The following LGR4 variants were observed in gnomAD, a reference collection of about 807,000 sequenced individuals.
LGR4 encodes leucine-rich repeat-containing G protein-coupled receptor 4.
LGR4 carries 44 observed loss-of-function variants against 84.8 expected under a neutral mutation model. That is an observed-to-expected ratio of 0.52 (90% CI 0.41 to 0.67). The LOEUF is 0.67. LGR4 is among the 30% of genes least tolerant of loss of function. The pLI is 0.00. For missense variants in LGR4, 1,032 were observed against 1,131.4 expected (o/e 0.91, Z 1.26); for synonymous variants, 429 against 434.3 (o/e 0.99, Z 0.15).
intron 1 of LGR4, among the ~76,000 whole-genome samples, chr11:27,414,949 C>A (rs1863786433): frequency 6.6e-6 from 1 of 152,050 alleles, no homozygotes; most frequent in Non-Finnish European, 1.5e-5. Flanking sequence ...AGGAGTCTAC[C>A]TTTTCAGATA....
At chr11:27,436,504 G>T (rs1238093801) in intron 1 of LGR4, among the ~76,000 whole-genome samples, 1 of 152,042 alleles carries the variant, frequency 6.6e-6, no homozygotes, top group East Asian at 1.9e-4. Context: ...ATCCTGGATG[G>T]ATAAATTATA....
At chr11:27,441,955 T>A (rs1014669929) in intron 1 of LGR4, among the ~76,000 whole-genome samples, 18 of 152,042 alleles carry the variant, frequency 1.2e-4, no homozygotes, top group South Asian at 2.1e-4. Flanking sequence ...GAACTAAAGG[T>A]CAGGGACCAC....
intron 1 of LGR4, among the ~76,000 whole-genome samples, chr11:27,435,045 A>C (rs1227658757): frequency 5.3e-5 from 8 of 152,142 alleles, no homozygotes; most frequent in Admixed American, 3.3e-4. Context: ...CTACTTATAG[A>C]TAAAACTTGG....
At chr11:27,435,558 G>T (rs1328323354) in intron 1 of LGR4, among the ~76,000 whole-genome samples, 1 of 151,340 alleles carries the variant, frequency 6.6e-6, no homozygotes, top group African/African-American at 2.4e-5. Context: ...TGCAATCTCG[G>T]TTCACTGCAA....
intron 1 of LGR4, among the ~76,000 whole-genome samples, chr11:27,418,174 C>T (rs1863857563): frequency 6.6e-6 from 1 of 152,174 alleles, no homozygotes; most frequent in East Asian, 1.9e-4. Flanking sequence ...CCACTCTATT[C>T]TTAACTTGCT....
At chr11:27,445,200 T>C (rs1864368705) in intron 1 of LGR4, among the ~76,000 whole-genome samples, 1 of 152,118 alleles carries the variant, frequency 6.6e-6, no homozygotes, top group African/African-American at 2.4e-5. Flanking sequence ...TCATACTGTA[T>C]TTGATTCGTG....
intron 6 of LGR4, among the ~76,000 whole-genome samples, chr11:27,383,363 T>G (rs1863133424): frequency 6.6e-6 from 1 of 152,198 alleles, no homozygotes; most frequent in South Asian, 2.1e-4. Context: ...AGAGGTTTAA[T>G]TTTAACATAA....
intron 1 of LGR4, among the ~76,000 whole-genome samples, chr11:27,415,254 A>T (rs191303107): frequency 1.8e-4 from 28 of 152,318 alleles, no homozygotes; most frequent in African/African-American, 6.7e-4. Flanking sequence ...GCTTTACAAA[A>T]TGAGGCATTC....
At chr11:27,450,115 A>G (rs1353983431) in intron 1 of LGR4, among the ~76,000 whole-genome samples, 1 of 152,202 alleles carries the variant, frequency 6.6e-6, no homozygotes, top group Non-Finnish European at 1.5e-5. Flanking sequence ...CCAATTCCCT[A>G]TATGCTATTG....
chr11:27,460,043 T>C (rs556688174), intron 1 of LGR4, among the ~76,000 whole-genome samples: 1 of 152,214 alleles, frequency 6.6e-6, no homozygotes, highest in African/African-American at 2.4e-5. Context: ...TGAGCCGAGA[T>C]GGCACCACTA....
chr11:27,443,689 A>G (rs1009039621), intron 1 of LGR4, among the ~76,000 whole-genome samples: 1 of 152,228 alleles, frequency 6.6e-6, no homozygotes, highest in Non-Finnish European at 1.5e-5. Flanking sequence ...TGACCCTTTC[A>G]TGAAAATTCC....
At chr11:27,430,678 C>T (rs1004741766) in intron 1 of LGR4, among the ~76,000 whole-genome samples, 2 of 152,106 alleles carry the variant, frequency 1.3e-5, no homozygotes, top group African/African-American at 4.8e-5. Flanking sequence ...CCATCTCTCC[C>T]GGGACCACGA....
Position 27,368,009 on chromosome 11 carries a change from T to C in LGR4, c.2714A>G (p.His905Arg). 1 of 1,614,052 alleles carries C rather than the reference T, an allele frequency of 6.2e-7. No individual in the cohort carries two copies. The highest frequency in any genetic ancestry group is 1.3e-5 in the African/African-American group (1 of 75,016). The change falls in exon 18 of 18, where the codon CAC becomes CGC. Residue 905 changes from histidine (H) to arginine (R), a missense_variant. His to Arg is a conservative substitution (Grantham distance 29, BLOSUM62 0). Coordinates refer to ENST00000379214, the MANE Select transcript of LGR4 (RefSeq NM_018490.5). ...ATCTTCTTCATCTGCATAATCAGAG[T>C]GGGCCGACTGTGTGCCACAGTCGGA... ...YWSDCGTQSA[H>R]SDYADEEDSF...
In LGR4 at chr11:27,395,926, G is replaced by A. The variant is rs973306650; in HGVS notation, c.258-3408C>T. 4.6e-5 allele frequency among the ~76,000 whole-genome samples: 7 copies of A among 152,286 alleles called. No homozygotes were observed. The South Asian group carries it at 1.4e-3, about 32-fold the overall frequency. ...TCTAAAAGCTCAGATTCAGAAAAGAGCAAAGTAAATAAATAGCAAGGTTAG... is the reference window on the plus strand; with the variant it reads ...TCTAAAAGCTCAGATTCAGAAAAGAACAAAGTAAATAAATAGCAAGGTTAG... On this transcript the variant is annotated intron_variant, in intron 2 of 17. Coordinates refer to ENST00000379214, the MANE Select transcript of LGR4 (RefSeq NM_018490.5).
chr11:27,465,575 T>C (rs1032660460), intron 1 of LGR4, among the ~76,000 whole-genome samples: 6 of 152,174 alleles, frequency 3.9e-5, no homozygotes, highest in African/African-American at 1.4e-4. Context: ...GAACTCAGAG[T>C]ATACTAGCAC....
intron 1 of LGR4, among the ~76,000 whole-genome samples, chr11:27,463,912 G>A (rs986447453): frequency 3.9e-5 from 6 of 152,224 alleles, no homozygotes; most frequent in Non-Finnish European, 7.3e-5. Flanking sequence ...TTCAACTTGT[G>A]TGAGAGAAGG....
At position 27,381,455 on chromosome 11, in the gene LGR4, G is replaced by A. The variant is rs542005017; in HGVS notation, c.759-489C>T. 1.5e-4 allele frequency among the ~76,000 whole-genome samples: 23 copies of A among 152,312 alleles called. No individual in the cohort carries two copies. The South Asian group carries it at 4.6e-3, about 30-fold the overall frequency. Reference sequence around the variant, plus strand: ...CACGCCTGTAATCCCAGCATTCTGAGGGGATCACTTGAGCCCAGGAGTTTG... The same window carrying A: ...CACGCCTGTAATCCCAGCATTCTGAAGGGATCACTTGAGCCCAGGAGTTTG... On this transcript the variant is annotated intron_variant, in intron 7 of 17. Transcript: ENST00000379214.
At chr11:27,378,837 T>A in intron 10 of LGR4, 69 bp from the exon 11 acceptor site, 1 of 1,032,640 alleles carries the variant, frequency 9.7e-7, no homozygotes, top group Non-Finnish European at 1.5e-6. Context: ...TATTCCCATA[T>A]AGAATAAGTG....
At chr11:27,410,910 A>G (rs1013867761) in intron 2 of LGR4, among the ~76,000 whole-genome samples, 2 of 152,146 alleles carry the variant, frequency 1.3e-5, no homozygotes, top group East Asian at 1.9e-4. Context: ...GGCAGAATTC[A>G]TGAGGTTGGC....
Sources: allele counts gnomAD v4.1 joint callset (sites outside exome capture counted in the v4.1 genomes callset), GRCh38; gene constraint gnomAD v4.1.1; transcripts MANE v1.5; gene names NCBI Gene and HGNC (gene_info 2026-07-23, HGNC 2026-07-21).